TSPAN9: variants seen among roughly 807,000 people sequenced by gnomAD.
TSPAN9 encodes tetraspanin-9.
In TSPAN9, 16 loss-of-function variants were observed where a neutral mutation model predicts 31.0. The ratio of observed to expected loss-of-function variants is 0.52; its 90% CI spans 0.35 to 0.78. The LOEUF is 0.78. Among genes scored for constraint, TSPAN9 ranks in the 30% least tolerant of loss-of-function variants. The probability of loss-of-function intolerance (pLI) is 0.01; values close to 1 mark genes in which losing one functional copy is unlikely to be tolerated. For synonymous variants in TSPAN9, 145 were observed against 121.6 expected (o/e 1.19, Z -1.27); for missense variants, 272 against 312.5 (o/e 0.87, Z 0.98).
intron 3 of TSPAN9, among the ~76,000 whole-genome samples, chr12:3,258,070 G>A (rs1472901780): frequency 6.6e-6 from 1 of 152,210 alleles, no homozygotes; most frequent in Non-Finnish European, 1.5e-5. Context: ...TGAGTGCAGG[G>A]CAGAGGATTT....
At chr12:3,240,838 C>T (rs1426889743) in intron 3 of TSPAN9, among the ~76,000 whole-genome samples, 2 of 152,072 alleles carry the variant, frequency 1.3e-5, no homozygotes. Context: ...CTGGCTGTTG[C>T]TGTAATTAGG....
intron 3 of TSPAN9, among the ~76,000 whole-genome samples, chr12:3,271,551 A>G (rs1427563623): frequency 1.3e-5 from 2 of 151,842 alleles, no homozygotes; most frequent in Non-Finnish European, 2.9e-5. Flanking sequence ...GCAGAAAAAA[A>G]AAAAAAAAGA....
intron 2 of TSPAN9, among the ~76,000 whole-genome samples, chr12:3,160,721 TCTTATA>T (rs1325628132): frequency 1.3e-5 from 2 of 152,366 alleles, no homozygotes; most frequent in Admixed American, 6.5e-5. Context: ...GAGCATCTGT[TCTTATA>T]CTTATTTGCC....
intron 3 of TSPAN9, among the ~76,000 whole-genome samples, chr12:3,268,590 A>G (rs371466951): frequency 0.023 from 678 of 29,362 alleles, no homozygotes; most frequent in Admixed American, 0.033. Flanking sequence ...CCCTCCGTGC[A>G]TTCCTGCAGC....
At position 3,209,243 on chromosome 12, in the gene TSPAN9, A is replaced by T. The variant is rs907665848; in HGVS notation, c.63+7987A>T. ...GAGTGAGACTCCATCTCAAAAAAAA[A>T]AAAAAATAAAAAACTAAAAATTCAG... On this transcript the variant is annotated intron_variant, in intron 3 of 8. Transcript: ENST00000011898. Among the ~76,000 whole-genome samples the T allele has an allele frequency of 1.8e-3, 269 of 152,176 alleles. 1 individual carries two copies. Among genetic ancestry groups the T allele is most frequent in the East Asian group, 0.016 (82 of 5,188 alleles).
intron 3 of TSPAN9, among the ~76,000 whole-genome samples, chr12:3,226,106 G>A (rs1355993528): frequency 6.6e-6 from 1 of 152,108 alleles, no homozygotes; most frequent in Non-Finnish European, 1.5e-5. Context: ...GGGAGACTGG[G>A]GGAAAGGAGG....
intron 2 of TSPAN9, among the ~76,000 whole-genome samples, chr12:3,098,303 C>G (rs1232746048): frequency 6.6e-6 from 1 of 152,196 alleles, no homozygotes; most frequent in Non-Finnish European, 1.5e-5. Flanking sequence ...TTGCCTCTGT[C>G]TTTGTTCCAA....
intron 2 of TSPAN9, among the ~76,000 whole-genome samples, chr12:3,121,351 GCTT>G (rs2098324982): frequency 9.4e-6 from 1 of 106,538 alleles, no homozygotes; most frequent in Admixed American, 1.3e-4. Context: ...GGGGATGTTG[GCTT>G]TTTTTTTTTT....
In TSPAN9 at chr12:3,280,450, G is replaced by A. The variant is rs763175388; in HGVS notation, c.399G>A (p.Gly133=). ...TGTACCACACCGAGAACAACGTGGG[G>A]CTGAAGAACGCCTGGAACATCATCC... ...LLLYHTENNV[G]LKNAWNIIQA... is the part of the protein sequence containing the mutation. The change falls in exon 6 of 9, where the codon GGG becomes GGA. Residue 133 remains glycine, a synonymous_variant. Coordinates refer to ENST00000011898, the MANE Select transcript of TSPAN9 (RefSeq NM_006675.5). This position sits in a 1 kb window ranked among gnomAD's most constrained non-coding sequence, Gnocchi z 4.5. 1 of 1,613,086 alleles carries A rather than the reference G, an allele frequency of 6.2e-7. No individual in the cohort carries two copies.
In TSPAN9 at chr12:3,214,982, CA is replaced by C. The variant is rs928002163; in HGVS notation, c.63+13727del. Among the ~76,000 whole-genome samples the C allele has an allele frequency of 2.4e-4, 37 of 152,202 alleles. 1 individual carries two copies. The highest frequency in any genetic ancestry group is 8.7e-4 in the African/African-American group (36 of 41,518). The stretch of plus-strand genomic sequence containing the variant: ...ACCCTGTTCACTGTGCCCTTCTACC[CA>C]GGGCAGCCCCTGACAGCCCACCTCC... On this transcript the variant is annotated intron_variant, in intron 3 of 8. Transcript: ENST00000011898.
intron 2 of TSPAN9, among the ~76,000 whole-genome samples, chr12:3,186,300 G>A (rs1226768943): frequency 2.6e-5 from 4 of 152,236 alleles, no homozygotes; most frequent in African/African-American, 9.6e-5. Context: ...AGTAAGTGAA[G>A]CAGAGCAGGA....
At chr12:3,248,792 TCTG>T (rs1369015515) in intron 3 of TSPAN9, among the ~76,000 whole-genome samples, 1 of 152,192 alleles carries the variant, frequency 6.6e-6, no homozygotes, top group African/African-American at 2.4e-5. Flanking sequence ...TCCAGCTACA[TCTG>T]GTGTCTCCAT....
chr12:3,210,260 A>G (rs1448314577), intron 3 of TSPAN9, among the ~76,000 whole-genome samples: 4 of 151,928 alleles, frequency 2.6e-5, no homozygotes, highest in Non-Finnish European at 5.9e-5. Context: ...TGTACCTGCC[A>G]CCTTTCCTAG....
rs1463669850 is a variant in TSPAN9, at chr12:3,168,898, G to A, written c.-17-32279G>A. 1.3e-5 allele frequency among the ~76,000 whole-genome samples: 2 copies of A among 152,222 alleles called. No individual in the cohort carries two copies. The highest frequency in any genetic ancestry group is 2.9e-5 in the Non-Finnish European group (2 of 68,046). ...GTGCAGATGGATGAGCTCAGGTTTG[G>A]ACGTGACTCAGAAGGAAGGTAGTGG... On this transcript the variant is annotated intron_variant, in intron 2 of 8. Transcript: ENST00000011898. This position sits in a 1 kb window ranked among gnomAD's most constrained non-coding sequence, Gnocchi z 4.0.
At chr12:3,196,030 CCTT>C (rs1468988348) in intron 2 of TSPAN9, among the ~76,000 whole-genome samples, 2 of 152,164 alleles carry the variant, frequency 1.3e-5, no homozygotes, top group African/African-American at 2.4e-5. Context: ...GATCTGAGCT[CCTT>C]GAGGCCCACG....
At chr12:3,200,920 C>T (rs2153973004) in intron 2 of TSPAN9, 2 of 401,084 alleles carry the variant, frequency 5.0e-6, no homozygotes, top group African/African-American at 2.1e-5. Flanking sequence ...ACGCCGCGAG[C>T]ATGGAGAAGT....
At chr12:3,173,662 A>AT (rs1232493409) in intron 2 of TSPAN9, 1 of 151,848 alleles carries the variant, frequency 6.6e-6, no homozygotes. Context: ...TGCCTGGCTA[A>AT]TTTTTAAGTT....
At chr12:3,246,356 A>G (rs774660794) in intron 3 of TSPAN9, among the ~76,000 whole-genome samples, 6 of 151,944 alleles carry the variant, frequency 3.9e-5, no homozygotes, top group East Asian at 3.9e-4. Context: ...TCCAAACTCT[A>G]TCACCCTCTT....
At chr12:3,251,913 C>T (rs1862249029) in intron 3 of TSPAN9, among the ~76,000 whole-genome samples, 1 of 152,228 alleles carries the variant, frequency 6.6e-6, no homozygotes, top group African/African-American at 2.4e-5. Flanking sequence ...ATGACAGCCC[C>T]TGCCTGAAGC....
Sources: gnomAD v4.1 joint callset for allele counts (sites outside exome capture counted in the v4.1 genomes callset) on GRCh38, gnomAD v4.1.1 for gene constraint, Gnocchi (gnomAD v3.1) non-coding constraint, MANE v1.5 for transcripts, NCBI Gene and HGNC (gene_info 2026-07-23, HGNC 2026-07-21) for gene names.